IGFBPL1: variants seen among roughly 807,000 people sequenced by gnomAD.
IGFBPL1 encodes insulin like growth factor binding protein like 1, also known as insulin-like growth factor-binding protein-like 1.
Under a neutral mutation model 23.9 loss-of-function variants are expected in IGFBPL1, and 20 were observed. That is an observed-to-expected ratio of 0.84 (90% CI 0.59 to 1.22). The LOEUF (loss-of-function observed/expected upper bound fraction) is 1.22. Among genes scored for constraint, IGFBPL1 ranks in the 50% most tolerant of loss-of-function variants. IGFBPL1 has a pLI of 0.00. For missense variants in IGFBPL1, 436 were observed against 379.3 expected (o/e 1.15, Z -1.24); for synonymous variants, 184 against 171.8 (o/e 1.07, Z -0.56).
chr9:38,414,160 G>A lies in IGFBPL1; in HGVS notation c.504C>T (p.Thr168=), dbSNP rs148729692. The change falls in exon 2 of 5, where the codon ACC becomes ACT. Residue 168 remains threonine (T), a synonymous_variant. Transcript: ENST00000377694. Reference sequence around the variant, plus strand: ...CACAGGACAGGCCCACCTGCGCCCCGGTGACGTTGTGAACACTTCGGGGAG... The same window carrying A: ...CACAGGACAGGCCCACCTGCGCCCCAGTGACGTTGTGAACACTTCGGGGAG... ...VVPPRSVHNV[T]GAQVGLSCEV... 693 of 1,611,350 alleles carry A rather than the reference G, an allele frequency of 4.3e-4. No homozygotes were observed. Among genetic ancestry groups the A allele is most frequent in the Admixed American group, 7.2e-4 (43 of 59,624 alleles).
chr9:38,411,320 A>T, intron 4 of IGFBPL1, 71 bp downstream of exon 4: 1 of 1,319,654 alleles, frequency 7.6e-7, no homozygotes, highest in Non-Finnish European at 1.0e-6. Flanking sequence ...TTTTTTTTAC[A>T]GGTCTTATAA....
At position 38,414,137 on chromosome 9, in the gene IGFBPL1, C is replaced by T. The variant is rs747749441; in HGVS notation, c.527G>A (p.Cys176Tyr). The T allele has an allele frequency of 3.1e-6, 5 of 1,613,172 alleles. No homozygotes were observed. The highest frequency in any genetic ancestry group is 4.2e-6 in the Non-Finnish European group (5 of 1,179,674). ...NVTGAQVGLS[C>Y]EVRAVPTPVI... ...TGGGGTAGGCACAGCCCTCACTTCA[C>T]AGGACAGGCCCACCTGCGCCCCGGT... The change falls in exon 2 of 5, where the codon TGT (cysteine) becomes TAT (tyrosine). Residue 176 changes from cysteine (C) to tyrosine (Y), a missense_variant. Physicochemically the swap from Cys to Tyr is radical, Grantham distance 194. Coordinates refer to ENST00000377694, the MANE Select transcript of IGFBPL1 (RefSeq NM_001007563.3).
chr9:38,412,019 C>A (rs1312710548), intron 3 of IGFBPL1, among the ~76,000 whole-genome samples: 1 of 152,166 alleles, frequency 6.6e-6, no homozygotes, highest in Non-Finnish European at 1.5e-5. Flanking sequence ...ACCGCACAGC[C>A]AATTGCATTC....
chr9:38,412,805 T>C (rs2036686689), intron 3 of IGFBPL1, among the ~76,000 whole-genome samples: 1 of 152,164 alleles, frequency 6.6e-6, no homozygotes, highest in Admixed American at 6.5e-5. Flanking sequence ...AAGCCAGAAA[T>C]GGTGGGTCAA....
intron 1 of IGFBPL1, among the ~76,000 whole-genome samples, chr9:38,416,556 A>G (rs1821601560): frequency 6.6e-6 from 1 of 152,176 alleles, no homozygotes; most frequent in African/African-American, 2.4e-5. Context: ...TCTGGTGTGC[A>G]GTTCTAGGTT....
chr9:38,424,355 G>A lies in IGFBPL1; in HGVS notation c.70C>T (p.Pro24Ser), dbSNP rs1232800618. ...CCCACGTCGCGGATCCCAAGGCTCG[G>A]GGACAGCGGCGGCAGCAGCGGCAGC... ...LLLPLLPPLS[P>S]SLGIRDVGGR... is the part of the protein sequence containing the mutation. Residue 24 changes from proline to serine, a missense_variant, in exon 1 of 5, where the codon CCG becomes TCG. Physicochemically the swap from Pro to Ser is moderately conservative, Grantham distance 74. Coordinates refer to ENST00000377694, the MANE Select transcript of IGFBPL1 (RefSeq NM_001007563.3). 1.2e-6 allele frequency: 1 copy of A among 820,376 alleles called. No homozygotes were observed. Among genetic ancestry groups the A allele is most frequent in the Non-Finnish European group, 1.9e-6 (1 of 535,156 alleles). 50.8% of individuals were successfully genotyped at this position (820,376 alleles called of 1,614,324 possible).
chr9:38,416,918 C>T (rs1821607016), intron 1 of IGFBPL1, among the ~76,000 whole-genome samples: 1 of 151,878 alleles, frequency 6.6e-6, no homozygotes, highest in Non-Finnish European at 1.5e-5. Context: ...TGGCCTCTAA[C>T]AATCCTCCCA....
chr9:38,407,253 A>G lies in IGFBPL1; in HGVS notation c.*1974T>C, dbSNP rs1821441042. Among the ~76,000 whole-genome samples, 1 of 152,256 alleles carries G rather than the reference A, an allele frequency of 6.6e-6. No individual in the cohort carries two copies. The highest frequency in any genetic ancestry group is 2.4e-5 in the African/African-American group (1 of 41,478). On this transcript the variant is annotated 3_prime_UTR_variant, in exon 5 of 5. Coordinates refer to ENST00000377694, the MANE Select transcript of IGFBPL1 (RefSeq NM_001007563.3). ...CAATTCTCATCTTTTGTTTTCAAAG[A>G]GAGCTTCCAGTGTTTTAAAGTTTGA...
At position 38,414,076 on chromosome 9, in the gene IGFBPL1, G is replaced by C; in HGVS notation, c.570+18C>G. The stretch of plus-strand genomic sequence containing the variant: ...ACACACACACACACGAGATGCATGA[G>C]TTCTTGGACAGAAATACCTTTCTCC... On this transcript the variant is annotated intron_variant, in intron 2 of 4. Coordinates refer to ENST00000377694, the MANE Select transcript of IGFBPL1 (RefSeq NM_001007563.3). 7.9e-7 allele frequency: 1 copy of C among 1,258,750 alleles called. No individual in the cohort carries two copies. Among genetic ancestry groups the C allele is most frequent in the Non-Finnish European group, 1.1e-6 (1 of 880,736 alleles). 78.0% of individuals were successfully genotyped at this position (1,258,750 alleles called of 1,614,324 possible). A position where few individuals can be genotyped will look rare whatever the true frequency, so the allele number is the denominator to read the frequency against.
intron 1 of IGFBPL1, among the ~76,000 whole-genome samples, chr9:38,417,813 G>A (rs1162358430): frequency 6.6e-6 from 1 of 152,126 alleles, no homozygotes; most frequent in African/African-American, 2.4e-5. Context: ...GTTTTTACTG[G>A]GAGCTGGCCA....
In IGFBPL1 at chr9:38,411,493, C is replaced by T. The variant is rs769112078; in HGVS notation, c.744G>A (p.Met248Ile). The T allele has an allele frequency of 1.9e-6, 3 of 1,614,024 alleles. No individual in the cohort carries two copies. Among genetic ancestry groups the T allele is most frequent in the Admixed American group, 3.3e-5 (2 of 60,016 alleles). Residue 248 changes from methionine (M) to isoleucine (I), a missense_variant, in exon 4 of 5, where the codon ATG (methionine) becomes ATA (isoleucine). Coordinates refer to ENST00000377694, the MANE Select transcript of IGFBPL1 (RefSeq NM_001007563.3). The part of the protein sequence containing the change: ...EGVYQCHAAN[M>I]VGEAESHSTV... ...TGCTGTGGGACTCAGCCTCTCCCAC[C>T]ATGTTGGCTGCATGGCACTGGTACA...
rs1563918253 is a variant in IGFBPL1 at position 38,408,789 on chromosome 9, G to A, written c.*438C>T. 6.6e-6 allele frequency among the ~76,000 whole-genome samples: 1 copy of A among 152,192 alleles called. No homozygotes were observed. The highest frequency in any genetic ancestry group is 2.4e-5 in the African/African-American group (1 of 41,436). ...AGGGCCCAGAGAGGGGAAGGGATCT[G>A]TTCAGGTCACACAGCAAGTTACAGT... On this transcript the variant is annotated 3_prime_UTR_variant, in exon 5 of 5. Coordinates refer to ENST00000377694, the MANE Select transcript of IGFBPL1 (RefSeq NM_001007563.3).
chr9:38,408,253 CAAAAAAAAA>C lies in IGFBPL1; in HGVS notation c.*965_*973del, dbSNP rs35229194. Among the ~76,000 whole-genome samples, 6 of 70,198 alleles carry C rather than the reference CAAAAAAAAA, an allele frequency of 8.5e-5. No homozygotes were observed. Among genetic ancestry groups the C allele is most frequent in the East Asian group, 5.8e-4 (2 of 3,434 alleles). 46.1% of individuals were successfully genotyped at this position (70,198 alleles called of 152,430 possible). A position where few individuals can be genotyped will look rare whatever the true frequency, so the allele number is the denominator to read the frequency against. ...GCAACATAGGGAGACCCTGTCTCTA[CAAAAAAAAA>C]AAAAAAAAAAAAAAAAATAGCTGGG... On this transcript the variant is annotated 3_prime_UTR_variant, in exon 5 of 5. Transcript: ENST00000377694.
Position 38,422,343 on chromosome 9 carries a change from A to G in IGFBPL1, c.460+1622T>C, listed in dbSNP as rs548824443. ...TGCCACTCTGGGGAGAAATTATCTG[A>G]GATCATCAGCAGCATTTATAGTCTG... On this transcript the variant is annotated intron_variant, in intron 1 of 4. Coordinates refer to ENST00000377694, the MANE Select transcript of IGFBPL1 (RefSeq NM_001007563.3). 5.9e-5 allele frequency among the ~76,000 whole-genome samples: 9 copies of G among 152,322 alleles called. No individual in the cohort carries two copies. In the South Asian group the frequency reaches 1.7e-3, roughly 28 times the overall value.
chr9:38,421,825 G>C (rs889660902), intron 1 of IGFBPL1, among the ~76,000 whole-genome samples: 1 of 152,230 alleles, frequency 6.6e-6, no homozygotes, highest in Non-Finnish European at 1.5e-5. Flanking sequence ...GAGAGTGACA[G>C]GCAAACAGTG....
At position 38,423,948 on chromosome 9, in the gene IGFBPL1, C is replaced by A. The variant is rs1821718786; in HGVS notation, c.460+17G>T. On this transcript the variant is annotated intron_variant, in intron 1 of 4. Transcript: ENST00000377694. ...ATCCCTCCTTCTCTACCCACCCAAT[C>A]CCCGACCCTGACTCACCGAACTCGC... 1 of 1,372,492 alleles carries A rather than the reference C, an allele frequency of 7.3e-7. No individual in the cohort carries two copies. The highest frequency in any genetic ancestry group is 3.8e-5 in the Admixed American group (1 of 26,254). The allele number at this position is 1,372,492 out of a possible 1,614,324, so 85.0% of individuals were successfully genotyped here.
At position 38,424,062 on chromosome 9, in the gene IGFBPL1, C is replaced by G. The variant is rs756973017; in HGVS notation, c.363G>C (p.Ser121=). 3.1e-5 allele frequency: 44 copies of G among 1,399,070 alleles called. No homozygotes were observed. Among genetic ancestry groups the G allele is most frequent in the South Asian group, 1.9e-4 (12 of 64,224 alleles). The allele number at this position is 1,399,070 out of a possible 1,614,324, so 86.7% of individuals were successfully genotyped here. ...GGCGCAGCGCGCAGACGCTGGGGTA[C>G]GAGCGACCGTCGGAGCCGCAGACGG... ...RGTVCGSDGR[S]YPSVCALRLR... Residue 121 remains serine (S), a synonymous_variant, in exon 1 of 5, where the codon TCG becomes TCC. Transcript: ENST00000377694.
intron 1 of IGFBPL1, among the ~76,000 whole-genome samples, chr9:38,419,586 G>T (rs998761100): frequency 6.6e-6 from 1 of 152,046 alleles, no homozygotes; most frequent in Non-Finnish European, 1.5e-5. Context: ...TGCTGGCCGG[G>T]ACCCTGTTCC....
chr9:38,412,638 TAC>T (rs1229905472), intron 3 of IGFBPL1, among the ~76,000 whole-genome samples: 1 of 152,172 alleles, frequency 6.6e-6, no homozygotes, highest in Non-Finnish European at 1.5e-5. Flanking sequence ...ATTTCTTTTC[TAC>T]AGTTTTGGAG....
Sources: allele counts gnomAD v4.1 joint callset (sites outside exome capture counted in the v4.1 genomes callset), GRCh38; gene constraint gnomAD v4.1.1; transcripts MANE v1.5; gene names NCBI Gene and HGNC (gene_info 2026-07-23, HGNC 2026-07-21).